The following ENTPD3 variants were observed in gnomAD, a reference collection of about 807,000 sequenced individuals.
The protein encoded by ENTPD3 is CD39 antigen-like 3.
A neutral mutation model predicts 51.2 loss-of-function variants in ENTPD3; 60 were observed. The ratio of observed to expected loss-of-function variants is 1.17; its 90% CI spans 0.95 to 1.45. The LOEUF is 1.45. Among genes scored for constraint, ENTPD3 ranks in the 40% most tolerant of loss-of-function variants. ENTPD3 has a pLI of 0.00. For missense variants in ENTPD3, 593 were observed against 641.1 expected (o/e 0.93, Z 0.81); for synonymous variants, 221 against 238.4 (o/e 0.93, Z 0.67).
At chr3:40,402,129 T>TTTTTTTTC (rs1470982165) in intron 4 of ENTPD3, among the ~76,000 whole-genome samples, 1 of 131,174 alleles carries the variant, frequency 7.6e-6, no homozygotes, top group East Asian at 2.2e-4. Flanking sequence ...TTTTCTTTTT[T>TTTTTTTTC]TTTTTTTGAG....
rs541884436 is a variant in ENTPD3, at chr3:40,419,304, A to G, written c.831+3231A>G. Among the ~76,000 whole-genome samples the G allele has an allele frequency of 6.6e-5, 10 of 152,324 alleles. No individual in the cohort carries two copies. In the South Asian group the frequency reaches 2.1e-3, roughly 32 times the overall value. ...GTAATCTTCCAACAAAATTAGAACC[A>G]TTCAGATTACCACCCATGTTGTGAT... On this transcript the variant is annotated intron_variant, in intron 7 of 10. Coordinates refer to ENST00000301825, the MANE Select transcript of ENTPD3 (RefSeq NM_001248.4).
chr3:40,400,412 T>C (rs953953328), intron 3 of ENTPD3, among the ~76,000 whole-genome samples: 4 of 150,164 alleles, frequency 2.7e-5, no homozygotes, highest in African/African-American at 9.9e-5. Flanking sequence ...TGACTATTCA[T>C]TTTCCGTCTG....
In ENTPD3 at chr3:40,414,475, A is replaced by G. The variant is rs567632605; in HGVS notation, c.438-206A>G. On this transcript the variant is annotated intron_variant, in intron 5 of 10. Transcript: ENST00000301825. The stretch of plus-strand genomic sequence containing the variant: ...CAATTTTCCTGCTTGGCAGTTTGAC[A>G]GGTAACAAGTGCATCCTGCCTTCAC... Among the ~76,000 whole-genome samples the G allele has an allele frequency of 5.9e-5, 9 of 152,324 alleles. No homozygotes were observed. The East Asian group carries it at 1.7e-3, about 29-fold the overall frequency.
chr3:40,424,075 T>G lies in ENTPD3; in HGVS notation c.1353+112T>G. ...GTATTAATGAGTTAAACTCACTGGG[T>G]GGAAGCTGATCAGACTGATCCCTTG... On this transcript the variant is annotated intron_variant, in intron 10 of 10. Transcript: ENST00000301825. 1.9e-6 allele frequency: 3 copies of G among 1,545,022 alleles called. No homozygotes were observed. In the South Asian group the frequency reaches 3.8e-5, roughly 19 times the overall value.
chr3:40,406,058 G>A (rs1955487649), intron 4 of ENTPD3, among the ~76,000 whole-genome samples: 1 of 152,152 alleles, frequency 6.6e-6, no homozygotes, highest in Admixed American at 6.5e-5. Flanking sequence ...AAAATAAACG[G>A]GCATATAACG....
chr3:40,405,597 G>A (rs760696299), intron 4 of ENTPD3, among the ~76,000 whole-genome samples: 23 of 152,112 alleles, frequency 1.5e-4, no homozygotes, highest in Admixed American at 3.3e-4. Context: ...GTTTTGTGCC[G>A]TCTGTTTAAC....
intron 4 of ENTPD3, among the ~76,000 whole-genome samples, chr3:40,405,785 G>A (rs1431104613): frequency 6.6e-6 from 1 of 152,004 alleles, no homozygotes; most frequent in African/African-American, 2.4e-5. Flanking sequence ...ATTCTATCTC[G>A]CCTCTCACCA....
intron 4 of ENTPD3, among the ~76,000 whole-genome samples, chr3:40,404,824 G>C (rs904527582): frequency 7.9e-5 from 12 of 152,124 alleles, no homozygotes; most frequent in East Asian, 3.8e-4. Context: ...CAAACAGAAG[G>C]GGGTGATGAA....
At chr3:40,393,227 T>C (rs1268152123) in intron 3 of ENTPD3, among the ~76,000 whole-genome samples, 2 of 152,174 alleles carry the variant, frequency 1.3e-5, no homozygotes, top group Non-Finnish European at 2.9e-5. Flanking sequence ...ACATTTCTCA[T>C]AAAGGGTCAA....
chr3:40,416,049 G>T lies in ENTPD3; in HGVS notation c.807G>T (p.Lys269Asn), dbSNP rs199627591. Reference protein sequence around the residue: ...FQCYGRNEAEKKFLAMLLQNS... With the variant: ...FQCYGRNEAENKFLAMLLQNS... Reference sequence around the variant, plus strand: ...GCTATGGCCGGAATGAGGCTGAGAAGAAGTTTCTGGCAATGCTCCTGCAGG... The same window carrying T: ...GCTATGGCCGGAATGAGGCTGAGAATAAGTTTCTGGCAATGCTCCTGCAGG... Residue 269 changes from lysine (K) to asparagine (N), a missense_variant, in exon 7 of 11, where the codon AAG (lysine) becomes AAT (asparagine). Lys to Asn is a moderately conservative substitution (Grantham distance 94). Coordinates refer to ENST00000301825, the MANE Select transcript of ENTPD3 (RefSeq NM_001248.4). 1.2e-6 allele frequency: 2 copies of T among 1,613,990 alleles called. No homozygotes were observed. Among genetic ancestry groups the T allele is most frequent in the East Asian group, 4.5e-5 (2 of 44,864 alleles).
chr3:40,404,873 C>T (rs894604773), intron 4 of ENTPD3, among the ~76,000 whole-genome samples: 8 of 152,144 alleles, frequency 5.3e-5, no homozygotes, highest in Admixed American at 1.3e-4. Flanking sequence ...ATGCCTAGGC[C>T]CTCAGAAATT....
At position 40,411,956 on chromosome 3, in the gene ENTPD3, TGCTGAGGTAAAG is replaced by T; in HGVS notation, c.435_437+9del. 1 of 1,610,284 alleles carries T rather than the reference TGCTGAGGTAAAG, an allele frequency of 6.2e-7. No individual in the cohort carries two copies. The highest frequency in any genetic ancestry group is 1.7e-4 in the Middle Eastern group (1 of 5,910). Reference sequence around the variant, plus strand: ...CTGGGAGCCACGGCTGGGATGCGCTTGCTGAGGTAAAGGCTAAGTGGCACAAAGGAGCCCATT... The same window carrying T: ...CTGGGAGCCACGGCTGGGATGCGCTTGCTAAGTGGCACAAAGGAGCCCATT... On this transcript the variant is annotated splice_donor_variant and splice_donor_5th_base_variant and coding_sequence_variant and intron_variant, in exon 5 of 11. Coordinates refer to ENST00000301825, the MANE Select transcript of ENTPD3 (RefSeq NM_001248.4). LOFTEE classifies it high-confidence loss of function.
Position 40,402,123 on chromosome 3 carries a change from C to CTTTTT in ENTPD3, c.286+1121_286+1125dup, listed in dbSNP as rs58000344. On this transcript the variant is annotated intron_variant, in intron 4 of 10. Coordinates refer to ENST00000301825, the MANE Select transcript of ENTPD3 (RefSeq NM_001248.4). Reference sequence around the variant, plus strand: ...TTCATTTCCTTTCCTTTTTTTTTTTCTTTTTTTTTTTTTGAGACAGAGTCT... The same window carrying CTTTTT: ...TTCATTTCCTTTCCTTTTTTTTTTTCTTTTTTTTTTTTTTTTTTGAGACAGAGTCT... 3.2e-4 allele frequency among the ~76,000 whole-genome samples: 30 copies of CTTTTT among 95,064 alleles called. 3 individuals are homozygous for CTTTTT. The highest frequency in any genetic ancestry group is 7.8e-4 in the African/African-American group (20 of 25,708). 62.4% of individuals were successfully genotyped at this position (95,064 alleles called of 152,430 possible).
chr3:40,420,689 A>AT (rs1431174240), intron 7 of ENTPD3, among the ~76,000 whole-genome samples: 1 of 152,014 alleles, frequency 6.6e-6, no homozygotes, highest in Admixed American at 6.6e-5. Context: ...TCATATGAAG[A>AT]TTTTTCTGGA....
At position 40,414,796 on chromosome 3, in the gene ENTPD3, T is replaced by C; in HGVS notation, c.553T>C (p.Tyr185His). 1 of 1,614,046 alleles carries C rather than the reference T, an allele frequency of 6.2e-7. No homozygotes were observed. Among genetic ancestry groups the C allele is most frequent in the Non-Finnish European group, 8.5e-7 (1 of 1,179,972 alleles). The change falls in exon 6 of 11, where the codon TAT becomes CAT. Residue 185 changes from tyrosine to histidine, a missense_variant. Tyr to His is a moderately conservative substitution (Grantham distance 83). Coordinates refer to ENST00000301825, the MANE Select transcript of ENTPD3 (RefSeq NM_001248.4). ...QIISGQEEGV[Y>H]GWITANYLMG... The stretch of plus-strand genomic sequence containing the variant: ...CATTTCTGGGCAAGAAGAAGGGGTA[T>C]ATGGATGGATTACAGCCAACTATTT...
chr3:40,392,470 G>A (rs959628880), intron 3 of ENTPD3: 8 of 250,750 alleles, frequency 3.2e-5, no homozygotes, highest in Admixed American at 1.1e-4. Flanking sequence ...AGCCAGGTGC[G>A]GTGGCTCACG....
chr3:40,422,899 A>G lies in ENTPD3; in HGVS notation c.881A>G (p.Tyr294Cys). 3.1e-6 allele frequency: 5 copies of G among 1,614,002 alleles called. No homozygotes were observed. The highest frequency in any genetic ancestry group is 2.2e-5 in the East Asian group (1 of 44,864). ...HLTNPCYPRD[Y>C]SISFTMGHVF... is the part of the protein sequence containing the mutation. ...ACCAATCCCTGTTACCCTCGGGATT[A>G]TAGCATCAGCTTCACCATGGGCCAT... The change falls in exon 8 of 11, where the codon TAT becomes TGT. Residue 294 changes from tyrosine (Y) to cysteine (C), a missense_variant. Coordinates refer to ENST00000301825, the MANE Select transcript of ENTPD3 (RefSeq NM_001248.4).
Position 40,427,741 on chromosome 3 carries a change from G to A in ENTPD3, c.*233G>A, listed in dbSNP as rs879474519. The A allele has an allele frequency of 3.7e-6, 2 of 545,902 alleles. No individual in the cohort carries two copies. Among genetic ancestry groups the A allele is most frequent in the Admixed American group, 3.2e-5 (1 of 31,742 alleles). The allele number at this position is 545,902 out of a possible 1,614,324, so 33.8% of individuals were successfully genotyped here. A position where few individuals can be genotyped will look rare whatever the true frequency, so the allele number is the denominator to read the frequency against. ...ACTACCCACATGCTGATCTATTGGG[G>A]AACAGAGAAGAGACAGGCCACGAAG... On this transcript the variant is annotated 3_prime_UTR_variant, in exon 11 of 11. Transcript: ENST00000301825.
Position 40,427,176 on chromosome 3 carries a change from T to C in ENTPD3, c.1354-96T>C, listed in dbSNP as rs565108956. Reference sequence around the variant, plus strand: ...GACCTCTTTGGGCCACAATTTCCCATGGGAGCTTTGTGAGGTTGATAGCAG... The same window carrying C: ...GACCTCTTTGGGCCACAATTTCCCACGGGAGCTTTGTGAGGTTGATAGCAG... On this transcript the variant is annotated intron_variant, in intron 10 of 10. Coordinates refer to ENST00000301825, the MANE Select transcript of ENTPD3 (RefSeq NM_001248.4). 1.2e-5 allele frequency: 12 copies of C among 1,007,510 alleles called. No individual in the cohort carries two copies. In the East Asian group the frequency reaches 1.9e-4, roughly 16 times the overall value. 62.4% of individuals were successfully genotyped at this position (1,007,510 alleles called of 1,614,324 possible).
Sources: allele counts gnomAD v4.1 joint callset (sites outside exome capture counted in the v4.1 genomes callset), GRCh38; gene constraint gnomAD v4.1.1; transcripts MANE v1.5; gene names NCBI Gene and HGNC (gene_info 2026-07-23, HGNC 2026-07-21).